Variants in ZNF717 observed in about 807,000 individuals in gnomAD.
The protein encoded by ZNF717 is zinc finger protein 717.
ZNF717 carries 9 observed loss-of-function variants against 13.8 expected under a neutral mutation model. The observed-to-expected ratio is 0.65, with a 90% CI of 0.39 to 1.14. The LOEUF (loss-of-function observed/expected upper bound fraction) is 1.14, where lower values mean the gene tolerates loss of function less well. ZNF717 is among the 50% of genes most tolerant of loss of function. The pLI is 0.01. For synonymous variants in ZNF717, 327 were observed against 364.1 expected (o/e 0.90, Z 1.16); for missense variants, 1,040 against 1,080.7 (o/e 0.96, Z 0.53).
chr3:75,779,392 G>A lies in ZNF717; in HGVS notation c.57+3914C>T, dbSNP rs569935239. Among the ~76,000 whole-genome samples the A allele has an allele frequency of 2.0e-5, 3 of 150,976 alleles. No individual in the cohort carries two copies. The East Asian group carries it at 5.8e-4, about 29-fold the overall frequency. Reference sequence around the variant, plus strand: ...GCTAAACCAGAAACCCAAAACAATGGGAGTGATGTGCTAAAACCGGAACCC... The same window carrying A: ...GCTAAACCAGAAACCCAAAACAATGAGAGTGATGTGCTAAAACCGGAACCC... On this transcript the variant is annotated intron_variant, in intron 2 of 4. Coordinates refer to ENST00000652011, the MANE Select transcript of ZNF717 (RefSeq NM_001290208.3).
chr3:75,782,979 G>A (rs776753760), intron 2 of ZNF717, among the ~76,000 whole-genome samples: 26 of 152,232 alleles, frequency 1.7e-4, no homozygotes, highest in Non-Finnish European at 2.9e-4. Context: ...ACCACCGAAG[G>A]TGGTGGTTCA....
At chr3:75,734,038 C>A (rs1438927284), downstream of ZNF717, among the ~76,000 whole-genome samples, 5 of 144,028 alleles carry the variant, frequency 3.5e-5, no homozygotes, top group East Asian at 1.0e-3. Flanking sequence ...AAAAAAGATA[C>A]ACATCTGAAA....
intron 4 of ZNF717, among the ~76,000 whole-genome samples, chr3:75,724,844 A>G (rs1938244970): frequency 6.6e-6 from 1 of 152,392 alleles, no homozygotes; most frequent in East Asian, 1.9e-4. Flanking sequence ...TATGATAGAA[A>G]GAGTATTATT....
chr3:75,728,334 G>A (rs1231756359), downstream of ZNF717, among the ~76,000 whole-genome samples: 2 of 152,326 alleles, frequency 1.3e-5, no homozygotes, highest in East Asian at 1.9e-4. Context: ...CAACGTTAAG[G>A]ATGCACACCA....
At chr3:75,777,566 T>C (rs1421527775) in intron 2 of ZNF717, among the ~76,000 whole-genome samples, 1 of 150,076 alleles carries the variant, frequency 6.7e-6, no homozygotes, top group Admixed American at 6.6e-5. Flanking sequence ...CCCAAAACAA[T>C]GGGAGTAATC....
chr3:75,777,037 A>G (rs1379197994), intron 2 of ZNF717, among the ~76,000 whole-genome samples: 9 of 152,248 alleles, frequency 5.9e-5, no homozygotes, highest in Non-Finnish European at 1.3e-4. Context: ...CAGTAGTCGT[A>G]AGAGTCTCCC....
At chr3:75,697,226 G>A (rs200002002) in intron 6 of ZNF717, among the ~76,000 whole-genome samples, 15 of 151,494 alleles carry the variant, frequency 9.9e-5, no homozygotes, top group African/African-American at 3.4e-4. Context: ...AATTGGAAAA[G>A]AAGTCAAATT....
At chr3:75,759,216 C>A (rs1328785652) in intron 2 of ZNF717, among the ~76,000 whole-genome samples, 4 of 151,530 alleles carry the variant, frequency 2.6e-5, no homozygotes, top group African/African-American at 9.7e-5. Flanking sequence ...GCATGGCCGT[C>A]CTGTATTGTA....
chr3:75,734,102 C>T (rs1488334974), downstream of ZNF717, among the ~76,000 whole-genome samples: 1 of 152,150 alleles, frequency 6.6e-6, no homozygotes, highest in African/African-American at 2.4e-5. Context: ...CAGAGTCTCT[C>T]TCTGTTGCCC....
exon 6 of ZNF717, chr3:75,730,353 T>TA (rs71638912): frequency 0.017 from 5,337 of 316,540 alleles, no homozygotes; most frequent in Middle Eastern, 0.022. Context: ...AAGCAATAGT[T>TA]AAAAAAAAAA....
intron 4 of ZNF717, among the ~76,000 whole-genome samples, chr3:75,740,895 A>G (rs1232420061): frequency 1.3e-5 from 2 of 152,204 alleles, no homozygotes; most frequent in Non-Finnish European, 2.9e-5. Flanking sequence ...CATCATCGTT[A>G]TAATGACTGA....
At chr3:75,734,795 T>TTA (rs1295066161), downstream of ZNF717, among the ~76,000 whole-genome samples, 302 of 85,416 alleles carry the variant, frequency 3.5e-3, 2 homozygotes, top group Middle Eastern at 7.8e-3. Context: ...ATGTATGCAA[T>TTA]TATATATATA....
At position 75,741,655 on chromosome 3, in the gene ZNF717, A is replaced by G; in HGVS notation, c.139T>C (p.Tyr47His). Residue 47 changes from tyrosine to histidine, a missense_variant, in exon 3 of 5, where the codon TAC (tyrosine) becomes CAC (histidine). Physicochemically the swap from Tyr to His is moderately conservative, Grantham distance 83. Coordinates refer to ENST00000652011, the MANE Select transcript of ZNF717 (RefSeq NM_001290208.3). ...QDLDDAQRTLYRDVMLETYSS... is the reference protein window; with the variant it reads ...QDLDDAQRTLHRDVMLETYSS... ...TAGGTCTCCAGCATCACGTCCCTGTACAGGGTCCTCTGAGCATCATCCAGG... is the reference window on the plus strand; with the variant it reads ...TAGGTCTCCAGCATCACGTCCCTGTGCAGGGTCCTCTGAGCATCATCCAGG... The G allele has an allele frequency of 6.2e-7, 1 of 1,601,316 alleles. No individual in the cohort carries two copies. The highest frequency in any genetic ancestry group is 1.1e-5 in the South Asian group (1 of 89,800).
In ZNF717 at chr3:75,738,872, C is replaced by A. The variant is rs76889571; in HGVS notation, c.751G>T (p.Val251Phe). Residue 251 changes from valine (V) to phenylalanine (F), a missense_variant, in exon 5 of 5, where the codon GTT becomes TTT. Val to Phe is a conservative substitution (Grantham distance 50). Transcript: ENST00000652011. ...ACCTGAGTTATCACTTGGACAATAA[C>A]AGCTGAGTTATTACAGGCTTTCTCA... ...EYEKACNNSA[V>F]IVQVITQVGQ... is the part of the protein sequence containing the mutation. 17 of 1,551,450 alleles carry A rather than the reference C, an allele frequency of 1.1e-5. No individual in the cohort carries two copies. The African/African-American group carries it at 2.1e-4, about 19-fold the overall frequency.
chr3:75,766,641 TA>T (rs1171273759), intron 2 of ZNF717, among the ~76,000 whole-genome samples: 1 of 152,076 alleles, frequency 6.6e-6, no homozygotes, highest in Non-Finnish European at 1.5e-5. Flanking sequence ...AACAACCAAA[TA>T]AAAAAATAGG....
At chr3:75,734,478 G>A (rs1938907430), downstream of ZNF717, among the ~76,000 whole-genome samples, 1 of 151,186 alleles carries the variant, frequency 6.6e-6, no homozygotes, top group Non-Finnish European at 1.5e-5. Flanking sequence ...TGTCACCCAG[G>A]CTGGAGTGCA....
intron 2 of ZNF717, among the ~76,000 whole-genome samples, chr3:75,777,625 A>C (rs950839314): frequency 4.3e-4 from 65 of 152,048 alleles, no homozygotes; most frequent in Non-Finnish European, 1.5e-4. Flanking sequence ...TAAAACCGGA[A>C]CCCAAAAAAA....
At chr3:75,766,120 C>A (rs62268112) in intron 2 of ZNF717, among the ~76,000 whole-genome samples, 1 of 132,280 alleles carries the variant, frequency 7.6e-6, no homozygotes, top group African/African-American at 2.8e-5. Context: ...AAAAAATAAA[C>A]AAACAAATAG....
intron 2 of ZNF717, among the ~76,000 whole-genome samples, chr3:75,764,835 A>G (rs1219042010): frequency 6.6e-6 from 1 of 152,070 alleles, no homozygotes; most frequent in East Asian, 1.9e-4. Flanking sequence ...TAAAATGACC[A>G]TATGATCCAG....
Sources: allele counts gnomAD v4.1 joint callset (sites outside exome capture counted in the v4.1 genomes callset), GRCh38; gene constraint gnomAD v4.1.1; transcripts MANE v1.5; gene names NCBI Gene and HGNC (gene_info 2026-07-23, HGNC 2026-07-21).